Variants in HSP90AA1 observed in about 807,000 individuals in gnomAD.
The protein encoded by HSP90AA1 is heat shock protein 90 alpha family class A member 1, also known as heat shock protein HSP 90-alpha.
Under a neutral mutation model 73.3 loss-of-function variants are expected in HSP90AA1, and 18 were observed. The ratio of observed to expected loss-of-function variants is 0.25; its 90% CI spans 0.17 to 0.36. The LOEUF (loss-of-function observed/expected upper bound fraction) is 0.36. HSP90AA1 is among the 10% of genes least tolerant of loss of function. The pLI, the probability that HSP90AA1 is intolerant of heterozygous loss-of-function variation, is 1.00. For synonymous variants in HSP90AA1, 477 were observed against 296.9 expected (o/e 1.61, Z -6.24); for missense variants, 704 against 874.2 (o/e 0.81, Z 2.45).
At chr14:102,132,172 T>A (rs975074563) in intron 1 of HSP90AA1, among the ~76,000 whole-genome samples, 1 of 151,990 alleles carries the variant, frequency 6.6e-6, no homozygotes, top group African/African-American at 2.4e-5. Flanking sequence ...ATTGAGACCA[T>A]CCTGGCCAAC....
At chr14:102,088,148 A>G (rs375641167), upstream of HSP90AA1, among the ~76,000 whole-genome samples, 15 of 151,798 alleles carry the variant, frequency 9.9e-5, no homozygotes, top group Admixed American at 9.9e-4. Flanking sequence ...ATTTATTTGT[A>G]GAGTCGGGGT....
rs370177658 is a variant in HSP90AA1 at position 102,130,822 on chromosome 14, T to C, written c.155+8428A>G. ...ACAGCTCACTGTAGCCTCAACCTCC[T>C]GGGCTCAAGTGATCCTCCTGCCTGA... On this transcript the variant is annotated intron_variant, in intron 1 of 11. Coordinates refer to the HSP90AA1 transcript ENST00000334701. Among the ~76,000 whole-genome samples the C allele has an allele frequency of 7.0e-4, 106 of 152,260 alleles. 1 individual carries two copies. The South Asian group carries it at 0.02, about 29-fold the overall frequency.
chr14:102,128,983 C>G (rs1472356391), intron 1 of HSP90AA1, among the ~76,000 whole-genome samples: 1 of 152,058 alleles, frequency 6.6e-6, no homozygotes, highest in African/African-American at 2.4e-5. Flanking sequence ...TTCAGAATTT[C>G]TTTATGGCGC....
intron 6 of HSP90AA1, 45 bp from the exon 7 acceptor site, chr14:102,084,028 A>T (rs1463753297): frequency 7.1e-7 from 1 of 1,408,528 alleles, no homozygotes; most frequent in Admixed American, 1.7e-5. Flanking sequence ...TCCAAGGACA[A>T]AACTGGTACT....
intron 2 of HSP90AA1, among the ~76,000 whole-genome samples, chr14:102,093,483 C>CAA (rs567516713): frequency 1.3e-3 from 103 of 82,210 alleles, no homozygotes; most frequent in African/African-American, 3.8e-3. Context: ...GACTCCGTCT[C>CAA]AAAAAAAAAA....
intron 1 of HSP90AA1, among the ~76,000 whole-genome samples, chr14:102,102,469 G>A (rs2049506619): frequency 6.6e-6 from 1 of 152,234 alleles, no homozygotes; most frequent in Non-Finnish European, 1.5e-5. Context: ...CAGGAGAGCT[G>A]CACTGAAGGG....
At chr14:102,091,091 G>A (rs1419767923), upstream of HSP90AA1, among the ~76,000 whole-genome samples, 3 of 152,174 alleles carry the variant, frequency 2.0e-5, no homozygotes, top group Admixed American at 6.5e-5. Context: ...AGATGGCTCA[G>A]GTGATAGCCT....
intron 2 of HSP90AA1, among the ~76,000 whole-genome samples, chr14:102,092,722 T>C (rs1324294231): frequency 6.6e-6 from 1 of 152,156 alleles, no homozygotes; most frequent in Admixed American, 6.6e-5. Flanking sequence ...TATGTTGAAA[T>C]ACATCAAATT....
intron 1 of HSP90AA1, among the ~76,000 whole-genome samples, chr14:102,123,735 C>T (rs193299298): frequency 6.6e-6 from 1 of 152,108 alleles, no homozygotes; most frequent in African/African-American, 2.4e-5. Context: ...TCAGGGGGCA[C>T]CATTCACACT....
chr14:102,134,211 G>A (rs1482807924), intron 1 of HSP90AA1, among the ~76,000 whole-genome samples: 15 of 150,448 alleles, frequency 1.0e-4, no homozygotes, highest in African/African-American at 3.7e-4. Flanking sequence ...GGTGGCACAT[G>A]CCTGCAGTCC....
At chr14:102,082,048 A>T in intron 10 of HSP90AA1, 63 bp downstream of exon 10, 1 of 1,154,776 alleles carries the variant, frequency 8.7e-7, no homozygotes, top group Non-Finnish European at 1.3e-6. Flanking sequence ...CTGAAAGTTC[A>T]CCATTTTCTT....
rs560906589 is a variant in HSP90AA1 at position 102,101,988 on chromosome 14, G to T, written c.253C>A (p.Pro85Thr). The T allele has an allele frequency of 9.3e-6, 15 of 1,614,066 alleles. No homozygotes were observed. In the Admixed American group the frequency reaches 1.0e-4, roughly 11 times the overall value. ...ACAGGGAATGCAGAGACGTGGAAGG[G>T]CTGTTTCCAGAGACAGAGTAGAGTG... is the stretch of plus-strand genomic sequence containing the variant. The change falls in exon 2 of 12, where the codon CCC becomes ACC. Residue 85 changes from proline (P) to threonine (T), a missense_variant. By Grantham distance (38) the Pro-to-Thr change is conservative. Transcript: ENST00000334701.
Position 102,122,914 on chromosome 14 carries a change from C to T in HSP90AA1, c.155+16336G>A, listed in dbSNP as rs546535607. Among the ~76,000 whole-genome samples, 380 of 150,440 alleles carry T rather than the reference C, an allele frequency of 2.5e-3. 1 individual carries two copies. Among genetic ancestry groups the T allele is most frequent in the Non-Finnish European group, 4.1e-3 (275 of 67,500 alleles). ...AACTCCTGACCTCAGGTGATCCACCCGCCTCAGCCTCCCTAAGTGCTGGGA... is the reference window on the plus strand; with the variant it reads ...AACTCCTGACCTCAGGTGATCCACCTGCCTCAGCCTCCCTAAGTGCTGGGA... On this transcript the variant is annotated intron_variant, in intron 1 of 11. Transcript: ENST00000334701.
intron 3 of HSP90AA1, 155 bp from the exon 4 acceptor site, chr14:102,085,586 CA>C (rs2049209086): frequency 1.6e-6 from 2 of 1,243,132 alleles, no homozygotes; most frequent in Non-Finnish European, 2.3e-6. Flanking sequence ...GTGCCTCGCC[CA>C]AAAGAACCGC....
upstream of HSP90AA1, among the ~76,000 whole-genome samples, chr14:102,088,407 C>T (rs1248776532): frequency 2.0e-5 from 3 of 152,234 alleles, no homozygotes; most frequent in African/African-American, 4.8e-5. Context: ...GATGGAACTA[C>T]CTCCGCTTCC....
At chr14:102,096,089 C>T (rs2049420419) in intron 2 of HSP90AA1, among the ~76,000 whole-genome samples, 1 of 152,180 alleles carries the variant, frequency 6.6e-6, no homozygotes, top group African/African-American at 2.4e-5. Context: ...ACCCACATGT[C>T]ACCAAGGCAC....
At chr14:102,132,061 G>A (rs2049912757) in intron 1 of HSP90AA1, among the ~76,000 whole-genome samples, 1 of 152,040 alleles carries the variant, frequency 6.6e-6, no homozygotes, top group Admixed American at 6.6e-5. Context: ...ACATAGTGAG[G>A]CTGTCTTCAT....
At chr14:102,137,999 G>A (rs1245146409) in intron 1 of HSP90AA1, among the ~76,000 whole-genome samples, 1 of 149,446 alleles carries the variant, frequency 6.7e-6, no homozygotes. Context: ...TGGCGACAGC[G>A]AGACTCCATC....
intron 3 of HSP90AA1, 59 bp downstream of exon 3, chr14:102,085,699 G>A (rs1380958608): frequency 7.4e-6 from 12 of 1,611,712 alleles, no homozygotes; most frequent in South Asian, 4.4e-5. Context: ...AGGGGTCCAA[G>A]GGTTGCAGCA....
Sources: allele counts gnomAD v4.1 joint callset (sites outside exome capture counted in the v4.1 genomes callset), GRCh38; gene constraint gnomAD v4.1.1; transcripts MANE v1.5; gene names NCBI Gene and HGNC (gene_info 2026-07-23, HGNC 2026-07-21).